HPD: variants seen among roughly 807,000 people sequenced by gnomAD.
HPD encodes 4-hydroxyphenylpyruvate dioxygenase.
A neutral mutation model predicts 56.9 loss-of-function variants in HPD; 35 were observed. The observed-to-expected ratio is 0.62, with a 90% CI of 0.47 to 0.82. The LOEUF (loss-of-function observed/expected upper bound fraction) is 0.82. Among genes scored for constraint, HPD ranks in the 40% least tolerant of loss-of-function variants. HPD has a pLI of 0.00. For synonymous variants in HPD, 186 were observed against 200.2 expected (o/e 0.93, Z 0.60); for missense variants, 442 against 506.8 (o/e 0.87, Z 1.23).
At position 121,856,570 on chromosome 12, in the gene HPD, C is replaced by T; in HGVS notation, c.241+13G>A. The T allele has an allele frequency of 8.7e-6, 14 of 1,614,032 alleles. No homozygotes were observed. Among genetic ancestry groups the T allele is most frequent in the Non-Finnish European group, 1.1e-5 (13 of 1,179,910 alleles). ...CCACAGAGCCATGCGTCCACCCTCC[C>T]CGGGCACCTCACCTTTGTTCCAGGG... On this transcript the variant is annotated intron_variant, in intron 5 of 13. Transcript: ENST00000289004.
At chr12:121,885,746 T>G in the HPD span, among the ~76,000 whole-genome samples, 1 of 151,228 alleles carries the variant, frequency 6.6e-6, no homozygotes, top group Non-Finnish European at 1.5e-5. Context: ...GTGGATTGCC[T>G]GAGGTCAGGA....
At chr12:121,847,452 A>G (rs1025161394) in intron 9 of HPD, among the ~76,000 whole-genome samples, 1 of 151,710 alleles carries the variant, frequency 6.6e-6, no homozygotes, top group African/African-American at 2.4e-5. Context: ...CTCAATCTCC[A>G]GGCTCAATTG....
rs1176954964 is a variant in HPD, at chr12:121,852,622, C to CTTTTTTT, written c.414+2074_414+2080dup. Among the ~76,000 whole-genome samples the CTTTTTTT allele has an allele frequency of 8.1e-4, 57 of 70,504 alleles. 3 individuals are homozygous for CTTTTTTT. Among genetic ancestry groups the CTTTTTTT allele is most frequent in the African/African-American group, 3.3e-3 (54 of 16,192 alleles). The allele number at this position is 70,504 out of a possible 152,430, so 46.3% of individuals were successfully genotyped here. A position where few individuals can be genotyped will look rare whatever the true frequency, so the allele number is the denominator to read the frequency against. The stretch of plus-strand genomic sequence containing the variant: ...TATACACAAATGACCTCATTGGATC[C>CTTTTTTT]TTTTTTTTTTTTTTTTTTTTTTTTT... On this transcript the variant is annotated intron_variant, in intron 7 of 13. Coordinates refer to ENST00000289004, the MANE Select transcript of HPD (RefSeq NM_002150.3).
the HPD span, among the ~76,000 whole-genome samples, chr12:121,869,567 T>TTA: frequency 2.6e-4 from 1 of 3,826 alleles, no homozygotes; most frequent in Non-Finnish European, 8.6e-4. Flanking sequence ...AGGTTTTCAC[T>TTA]TTTTTTTTTT....
At chr12:121,880,160 G>GA in the HPD span, among the ~76,000 whole-genome samples, 11,086 of 101,544 alleles carry the variant, frequency 0.11, 815 homozygotes, top group African/African-American at 0.24. Flanking sequence ...ATGAAAAAAA[G>GA]AAAAAAAAAA....
At chr12:121,856,904 C>T (rs1393028278) in intron 4 of HPD, 1 of 542,332 alleles carries the variant, frequency 1.8e-6, no homozygotes, top group East Asian at 3.3e-5. Context: ...GCTTAAAATT[C>T]CTCTCCTCTG....
the HPD span, among the ~76,000 whole-genome samples, chr12:121,885,099 C>G: frequency 2.6e-5 from 4 of 152,038 alleles, no homozygotes. Context: ...CCATGTTGGT[C>G]AGGCTAATCT....
upstream of HPD, among the ~76,000 whole-genome samples, chr12:121,864,073 C>CAAAAAAAAAAAA (rs748278452): frequency 5.6e-5 from 4 of 71,220 alleles, no homozygotes; most frequent in African/African-American, 1.1e-4. Context: ...ACTAAAAATA[C>CAAAAAAAAAAAA]AAAAAAAAAA....
At chr12:121,872,060 G>A in the HPD span, among the ~76,000 whole-genome samples, 11 of 132,542 alleles carry the variant, frequency 8.3e-5, no homozygotes, top group Admixed American at 3.2e-4. Flanking sequence ...GTGAAACCCC[G>A]TCTCTACTAA....
chr12:121,876,686 C>T, the HPD span, among the ~76,000 whole-genome samples: 14 of 152,276 alleles, frequency 9.2e-5, no homozygotes, highest in South Asian at 8.3e-4. Context: ...TGACTTTCAT[C>T]GTTGGCAAGG....
chr12:121,843,659 T>C (rs758585958), intron 12 of HPD, 51 bp downstream of exon 12: 3 of 1,609,506 alleles, frequency 1.9e-6, no homozygotes, highest in Non-Finnish European at 2.5e-6. Context: ...AAAGATGCAA[T>C]GCAGAGCTCA....
chr12:121,851,885 AT>A lies in HPD; in HGVS notation c.415-2096del, dbSNP rs1291842213. Among the ~76,000 whole-genome samples, 19 of 14,348 alleles carry A rather than the reference AT, an allele frequency of 1.3e-3. 4 individuals are homozygous for A. Among genetic ancestry groups the A allele is most frequent in the East Asian group, 2.0e-3 (1 of 490 alleles). 9.4% of individuals were successfully genotyped at this position (14,348 alleles called of 152,430 possible). A position where few individuals can be genotyped will look rare whatever the true frequency, so the allele number is the denominator to read the frequency against. On this transcript the variant is annotated intron_variant, in intron 7 of 13. Coordinates refer to ENST00000289004, the MANE Select transcript of HPD (RefSeq NM_002150.3). ...CTACCACGCCCGGCTACTTTTTTGT[AT>A]TTTTTTTTTTTTTTTTTTAGTAGAG...
chr12:121,877,241 G>T, the HPD span, among the ~76,000 whole-genome samples: 1 of 152,110 alleles, frequency 6.6e-6, no homozygotes, highest in Non-Finnish European at 1.5e-5. Flanking sequence ...AAGAAACTGA[G>T]ACTCAGAGAA....
At chr12:121,852,150 G>T (rs570813657) in intron 7 of HPD, among the ~76,000 whole-genome samples, 43 of 151,926 alleles carry the variant, frequency 2.8e-4, no homozygotes, top group Non-Finnish European at 5.7e-4. Flanking sequence ...CTCCCATGTA[G>T]GTGGGACCAC....
rs76862373 is a variant in HPD at position 121,853,451 on chromosome 12, A to G, written c.414+1252T>C. Reference sequence around the variant, plus strand: ...AGACCATCCTGGATAACACGGTGAAACCTCTACTAAAAATACAAAATTTAG... The same window carrying G: ...AGACCATCCTGGATAACACGGTGAAGCCTCTACTAAAAATACAAAATTTAG... On this transcript the variant is annotated intron_variant, in intron 7 of 13. Coordinates refer to ENST00000289004, the MANE Select transcript of HPD (RefSeq NM_002150.3). Among the ~76,000 whole-genome samples the G allele has an allele frequency of 1.3e-3, 200 of 150,620 alleles. 5 individuals carry two copies. In the East Asian group the frequency reaches 0.035, roughly 26 times the overall value.
chr12:121,880,050 G>A, the HPD span, among the ~76,000 whole-genome samples: 1 of 151,950 alleles, frequency 6.6e-6, no homozygotes, highest in Non-Finnish European at 1.5e-5. Context: ...GGGAGGCTGA[G>A]GTGGGGGGAT....
chr12:121,861,721 T>A (rs1878178598), upstream of HPD, among the ~76,000 whole-genome samples: 1 of 152,170 alleles, frequency 6.6e-6, no homozygotes, highest in Admixed American at 6.6e-5. Flanking sequence ...GAGTCATGAT[T>A]TTCTAGCTGA....
chr12:121,869,331 C>T, the HPD span, among the ~76,000 whole-genome samples: 1 of 118,480 alleles, frequency 8.4e-6, no homozygotes, highest in Admixed American at 1.0e-4. Flanking sequence ...GCCTGGGTGA[C>T]AAGAGTGAAA....
At chr12:121,873,060 T>C in the HPD span, among the ~76,000 whole-genome samples, 1 of 152,138 alleles carries the variant, frequency 6.6e-6, no homozygotes, top group African/African-American at 2.4e-5. Context: ...AGCACCGAGG[T>C]AGGGATCATG....
Sources: allele counts gnomAD v4.1 joint callset (sites outside exome capture counted in the v4.1 genomes callset), GRCh38; gene constraint gnomAD v4.1.1; transcripts MANE v1.5; gene names NCBI Gene and HGNC (gene_info 2026-07-23, HGNC 2026-07-21).